KIAA0319: variants seen among roughly 807,000 people sequenced by gnomAD.
The protein encoded by KIAA0319 is dyslexia-associated protein KIAA0319.
Under a neutral mutation model 108.4 loss-of-function variants are expected in KIAA0319, and 83 were observed. The ratio of observed to expected loss-of-function variants is 0.77; its 90% CI spans 0.64 to 0.92. The LOEUF (loss-of-function observed/expected upper bound fraction) is 0.92. Ranked by LOEUF, KIAA0319 falls within the 40% of genes least tolerant of loss-of-function variation. The pLI is 0.00. For synonymous variants in KIAA0319, 484 were observed against 510.4 expected, an observed-to-expected ratio of 0.95 and a Z score of 0.70; for missense variants, 1,195 against 1,322.4, an observed-to-expected ratio of 0.90 and a Z score of 1.49.
intron 1 of KIAA0319, among the ~76,000 whole-genome samples, chr6:24,623,924 C>T (rs1163429135): frequency 6.6e-6 from 1 of 151,116 alleles, no homozygotes; most frequent in Non-Finnish European, 1.5e-5. Flanking sequence ...GATTATGTAT[C>T]CACAAAAATC....
chr6:24,575,876 G>A (rs949627332), intron 10 of KIAA0319, among the ~76,000 whole-genome samples: 1 of 151,728 alleles, frequency 6.6e-6, no homozygotes, highest in Non-Finnish European at 1.5e-5. Flanking sequence ...CACAACAGAA[G>A]TTTCAAGATT....
rs1458260075 is a variant in KIAA0319, at chr6:24,547,043, A to T, written c.*122T>A. 3 of 1,023,356 alleles carry T rather than the reference A, an allele frequency of 2.9e-6. No homozygotes were observed. The African/African-American group carries it at 4.8e-5, about 16-fold the overall frequency. 63.4% of individuals were successfully genotyped at this position (1,023,356 alleles called of 1,614,324 possible). Reference sequence around the variant, plus strand: ...CCGGTCTTTTAGTACGTGGGGATACACATCTAACCCACTGGGGAAGAAGGT... The same window carrying T: ...CCGGTCTTTTAGTACGTGGGGATACTCATCTAACCCACTGGGGAAGAAGGT... On this transcript the variant is annotated 3_prime_UTR_variant, in exon 21 of 21. Coordinates refer to ENST00000378214, the MANE Select transcript of KIAA0319 (RefSeq NM_014809.4).
intron 1 of KIAA0319, among the ~76,000 whole-genome samples, chr6:24,610,434 C>T (rs59406598): frequency 0.23 from 35,389 of 152,104 alleles, 4,489 homozygotes; most frequent in African/African-American, 0.33. Flanking sequence ...CAATTAAAAA[C>T]GTTGTCAAGC....
At chr6:24,554,713 T>C in intron 18 of KIAA0319, 82 bp from the exon 19 acceptor site, 1 of 1,014,746 alleles carries the variant, frequency 9.9e-7, no homozygotes, top group South Asian at 1.4e-5. Flanking sequence ...TAACAACTAT[T>C]TCTGAATCCC....
intron 18 of KIAA0319, among the ~76,000 whole-genome samples, chr6:24,554,960 A>G (rs759081953): frequency 4.6e-5 from 7 of 152,224 alleles, no homozygotes; most frequent in Non-Finnish European, 1.0e-4. Flanking sequence ...TGTATACCAC[A>G]TCAAAATATT....
At chr6:24,592,162 C>T (rs190585778) in intron 3 of KIAA0319, among the ~76,000 whole-genome samples, 3 of 152,232 alleles carry the variant, frequency 2.0e-5, no homozygotes, top group East Asian at 1.9e-4. Flanking sequence ...AGTTTTAACT[C>T]ATATATTGAG....
chr6:24,620,252 G>A (rs1051156600), intron 1 of KIAA0319, among the ~76,000 whole-genome samples: 1 of 152,074 alleles, frequency 6.6e-6, no homozygotes, highest in African/African-American at 2.4e-5. Flanking sequence ...CCAAACATGA[G>A]GCCTCTTCAA....
At chr6:24,594,198 C>CAAAAAAAA (rs761107947) in intron 3 of KIAA0319, among the ~76,000 whole-genome samples, 1 of 54,396 alleles carries the variant, frequency 1.8e-5, no homozygotes, top group Non-Finnish European at 3.1e-5. Flanking sequence ...GACTCTGTCT[C>CAAAAAAAA]AAAAAAAAAA....
chr6:24,636,944 A>G (rs1220351216), intron 1 of KIAA0319, among the ~76,000 whole-genome samples: 1 of 152,248 alleles, frequency 6.6e-6, no homozygotes, highest in African/African-American at 2.4e-5. Context: ...AAAGTTGAGC[A>G]AACTATCTAC....
rs1299966833 is a variant in KIAA0319 at position 24,566,656 on chromosome 6, C to T, written c.2233G>A (p.Asp745Asn). Residue 745 changes from aspartate to asparagine, a missense_variant, in exon 14 of 21, where the codon GAT becomes AAT. Physicochemically the swap from Asp to Asn is conservative, Grantham distance 23. Coordinates refer to ENST00000378214, the MANE Select transcript of KIAA0319 (RefSeq NM_014809.4). ...SITLDGSRST[D>N]DQRIVSYLWI... Reference sequence around the variant, plus strand: ...AGATAGGACACAATTCTTTGGTCATCAGTAGACCTTGAACCATCCAAAGTA... The same window carrying T: ...AGATAGGACACAATTCTTTGGTCATTAGTAGACCTTGAACCATCCAAAGTA... 1.2e-6 allele frequency: 2 copies of T among 1,613,328 alleles called. No individual in the cohort carries two copies. Among genetic ancestry groups the T allele is most frequent in the Non-Finnish European group, 1.7e-6 (2 of 1,179,656 alleles).
intron 6 of KIAA0319, 57 bp downstream of exon 6, chr6:24,582,192 C>A (rs1215713418): frequency 1.0e-6 from 1 of 981,826 alleles, no homozygotes; most frequent in Non-Finnish European, 1.7e-6. Flanking sequence ...AAGGTATTAA[C>A]TGAGCTCTAT....
chr6:24,581,565 G>A (rs2127485281), intron 6 of KIAA0319, among the ~76,000 whole-genome samples: 1 of 152,284 alleles, frequency 6.6e-6, no homozygotes, highest in African/African-American at 2.4e-5. Flanking sequence ...ATGTGATAGG[G>A]CAAATTGTGA....
intron 1 of KIAA0319, among the ~76,000 whole-genome samples, chr6:24,630,704 C>CAT (rs1562105319): frequency 1.7e-5 from 2 of 119,812 alleles, no homozygotes; most frequent in African/African-American, 6.3e-5. Context: ...TATATATATA[C>CAT]ACATATACAC....
At chr6:24,540,623 T>C (rs1012693517), downstream of KIAA0319, among the ~76,000 whole-genome samples, 11 of 149,698 alleles carry the variant, frequency 7.3e-5, no homozygotes, top group African/African-American at 2.7e-4. Flanking sequence ...TAGGGACCAA[T>C]TAGTTGGAGA....
intron 1 of KIAA0319, among the ~76,000 whole-genome samples, chr6:24,635,607 G>A (rs1342796280): frequency 2.0e-5 from 3 of 152,150 alleles, no homozygotes; most frequent in African/African-American, 7.2e-5. Context: ...TTTGAAGATG[G>A]AGGGGTCCAT....
chr6:24,574,846 G>A (rs1009771648), intron 10 of KIAA0319, among the ~76,000 whole-genome samples: 4 of 152,198 alleles, frequency 2.6e-5, no homozygotes, highest in African/African-American at 4.8e-5. Context: ...GGCAAAGCAC[G>A]TTTCTCTGAA....
At chr6:24,556,193 C>T (rs1009966305) in intron 18 of KIAA0319, among the ~76,000 whole-genome samples, 9 of 149,962 alleles carry the variant, frequency 6.0e-5, no homozygotes, top group Admixed American at 4.7e-4. Context: ...CTCTGCCCTC[C>T]TCTCCCCTCC....
chr6:24,593,645 C>A (rs1768896207), intron 3 of KIAA0319, among the ~76,000 whole-genome samples: 1 of 151,218 alleles, frequency 6.6e-6, no homozygotes, highest in Non-Finnish European at 1.5e-5. Flanking sequence ...TCGTGATCCA[C>A]CCACCTCGGC....
At chr6:24,593,386 C>CTTTTTTTTTTTTTTTTTTTTTTTTTTT (rs58826962) in intron 3 of KIAA0319, among the ~76,000 whole-genome samples, 1 of 79,360 alleles carries the variant, frequency 1.3e-5, no homozygotes, top group Non-Finnish European at 2.4e-5. Context: ...GAATAATTAT[C>CTTTTTTTTTTTTTTTTTTTTTTTTTTT]TTTTTTTTTT....
Sources: allele counts gnomAD v4.1 joint callset (sites outside exome capture counted in the v4.1 genomes callset), GRCh38; gene constraint gnomAD v4.1.1; transcripts MANE v1.5; gene names NCBI Gene and HGNC (gene_info 2026-07-23, HGNC 2026-07-21).